Variants in ADCY9 observed in about 807,000 individuals in gnomAD.
ADCY9 encodes adenylate cyclase type 9.
Under a neutral mutation model 101.5 loss-of-function variants are expected in ADCY9, and 50 were observed. The ratio of observed to expected loss-of-function variants is 0.49; its 90% CI spans 0.39 to 0.62. The LOEUF is 0.62. Among genes scored for constraint, ADCY9 ranks in the 20% least tolerant of loss-of-function variants. The pLI, the probability that ADCY9 is intolerant of heterozygous loss-of-function variation, is 0.00. For synonymous variants in ADCY9, 905 were observed against 769.3 expected, an observed-to-expected ratio of 1.18 and a Z score of -2.92; for missense variants, 1,662 against 1,800.4, an observed-to-expected ratio of 0.92 and a Z score of 1.39.
chr16:4,108,126 T>C (rs1373416360), intron 2 of ADCY9, among the ~76,000 whole-genome samples: 1 of 152,222 alleles, frequency 6.6e-6, no homozygotes, highest in Non-Finnish European at 1.5e-5. Flanking sequence ...TCATTCTGTC[T>C]TCCTAATATT....
At chr16:4,074,713 T>C (rs1241625759) in intron 2 of ADCY9, among the ~76,000 whole-genome samples, 1 of 36,624 alleles carries the variant, frequency 2.7e-5, no homozygotes, top group Non-Finnish European at 5.9e-5. Flanking sequence ...CAATACCCAG[T>C]GGCAAAAAAA....
chr16:4,047,655 C>G (rs962836372), intron 2 of ADCY9, among the ~76,000 whole-genome samples: 3 of 152,006 alleles, frequency 2.0e-5, no homozygotes, highest in Non-Finnish European at 2.9e-5. Context: ...CAATCAGGTC[C>G]TTTGGTTGAA....
Position 3,962,921 on chromosome 16 carries a change from G to A in ADCY9, c.*2854C>T, listed in dbSNP as rs1039647123. On this transcript the variant is annotated 3_prime_UTR_variant, in exon 11 of 11. Transcript: ENST00000294016. Reference sequence around the variant, plus strand: ...ACAGCCCATGTGACAGGAAGCACGCGGCCTTCGGCTCTCCGGATCGTGTGC... The same window carrying A: ...ACAGCCCATGTGACAGGAAGCACGCAGCCTTCGGCTCTCCGGATCGTGTGC... The A allele has an allele frequency of 6.6e-6, 1 of 152,536 alleles. No homozygotes were observed. The highest frequency in any genetic ancestry group is 1.5e-5 in the Non-Finnish European group (1 of 68,122). The allele number at this position is 152,536 out of a possible 1,614,324, so 9.4% of individuals were successfully genotyped here.
chr16:3,999,555 G>C (rs531599982), intron 3 of ADCY9, among the ~76,000 whole-genome samples: 1 of 152,176 alleles, frequency 6.6e-6, no homozygotes, highest in East Asian at 1.9e-4. Context: ...AGCTATGCCT[G>C]TCCTCCTGGT....
intron 10 of ADCY9, among the ~76,000 whole-genome samples, chr16:3,970,445 G>A (rs1444535935): frequency 1.3e-5 from 2 of 152,086 alleles, no homozygotes; most frequent in African/African-American, 2.4e-5. Context: ...TCTTGCCTCA[G>A]CCTCCCGAGT....
At chr16:3,955,711 G>C (rs1253332370) in intron 5 of ADCY9, among the ~76,000 whole-genome samples, 1 of 151,946 alleles carries the variant, frequency 6.6e-6, no homozygotes, top group Non-Finnish European at 1.5e-5. Context: ...ACCACGCCCA[G>C]CTAATTTTTT....
intron 2 of ADCY9, among the ~76,000 whole-genome samples, chr16:4,088,041 G>A (rs1165329702): frequency 6.6e-6 from 1 of 151,322 alleles, no homozygotes; most frequent in Non-Finnish European, 1.5e-5. Flanking sequence ...CAGTAGCTGA[G>A]ACTACAGGTA....
intron 10 of ADCY9, among the ~76,000 whole-genome samples, chr16:3,967,966 C>T (rs1240503910): frequency 6.6e-6 from 1 of 152,104 alleles, no homozygotes; most frequent in East Asian, 1.9e-4. Context: ...GCTGGGATTA[C>T]AGGTGTGAGC....
intron 2 of ADCY9, among the ~76,000 whole-genome samples, chr16:4,060,307 T>G (rs950551102): frequency 6.6e-6 from 1 of 152,192 alleles, no homozygotes; most frequent in Non-Finnish European, 1.5e-5. Flanking sequence ...ACATTCTTCG[T>G]GCTCTGGAAG....
chr16:3,972,418 TG>T (rs2056060529), intron 10 of ADCY9, among the ~76,000 whole-genome samples: 1 of 151,874 alleles, frequency 6.6e-6, no homozygotes, highest in Non-Finnish European at 1.5e-5. Context: ...TTAGTAGAGA[TG>T]GGGTTTCACA....
At chr16:4,100,282 A>G (rs1372314063) in intron 2 of ADCY9, among the ~76,000 whole-genome samples, 1 of 152,048 alleles carries the variant, frequency 6.6e-6, no homozygotes, top group East Asian at 1.9e-4. Context: ...GAACTGTGCC[A>G]ATTAAACCTG....
intron 2 of ADCY9, among the ~76,000 whole-genome samples, chr16:4,077,080 A>AG (rs200021532): frequency 0.11 from 16,329 of 151,048 alleles, 1,356 homozygotes; most frequent in East Asian, 0.42. Context: ...TTCGTCTCAA[A>AG]AAAAAAAAAA....
rs2057132553 is a variant in ADCY9, at chr16:4,114,231, G to A, written c.1212C>T (p.Thr404=). The A allele has an allele frequency of 6.2e-7, 1 of 1,613,962 alleles. No individual in the cohort carries two copies. Among genetic ancestry groups the A allele is most frequent in the East Asian group, 2.2e-5 (1 of 44,882 alleles). Residue 404 remains threonine, a synonymous_variant, in exon 2 of 11, where the codon ACC becomes ACT. Coordinates refer to ENST00000294016, the MANE Select transcript of ADCY9 (RefSeq NM_001116.4). This position sits in a 1 kb window ranked among gnomAD's most constrained non-coding sequence, Gnocchi z 4.3. ...SILFADIVGF[T]KMSANKSAHA... is the part of the protein sequence containing the mutation. ...GGGCAGACTTGTTGGCACTCATCTT[G>A]GTGAAGCCCACGATATCTGCAAATA... is the stretch of plus-strand genomic sequence containing the variant.
At chr16:4,034,228 C>G (rs146665547) in intron 2 of ADCY9, among the ~76,000 whole-genome samples, 3 of 152,148 alleles carry the variant, frequency 2.0e-5, no homozygotes, top group African/African-American at 7.2e-5. Flanking sequence ...GCCAAGGTGA[C>G]GCAAAACGAA....
intron 2 of ADCY9, among the ~76,000 whole-genome samples, chr16:4,095,795 G>A (rs1314970956): frequency 1.3e-5 from 2 of 151,776 alleles, no homozygotes; most frequent in Non-Finnish European, 2.9e-5. Context: ...TGGGCAACAT[G>A]ATGAAACCCC....
intron 2 of ADCY9, among the ~76,000 whole-genome samples, chr16:4,094,596 AG>A (rs2056991609): frequency 6.6e-6 from 1 of 152,032 alleles, no homozygotes; most frequent in Non-Finnish European, 1.5e-5. Flanking sequence ...CGATCGCTCG[AG>A]GCCCCGCAAC....
chr16:4,063,402 G>A (rs2056783539), intron 2 of ADCY9, among the ~76,000 whole-genome samples: 1 of 151,974 alleles, frequency 6.6e-6, no homozygotes, highest in South Asian at 2.1e-4. Context: ...AAAAAGAAAA[G>A]TCTCAAGTTA....
chr16:4,115,581 A>G lies in ADCY9; in HGVS notation c.-43-96T>C. ...TCCTGTCCTAAGGGGCGGCTCCAGC[A>G]CGCGACCTGGACAGGCACCATCTGT... On this transcript the variant is annotated intron_variant, in intron 1 of 10. Coordinates refer to ENST00000294016, the MANE Select transcript of ADCY9 (RefSeq NM_001116.4). This position sits in a 1 kb window ranked among gnomAD's most constrained non-coding sequence, Gnocchi z 6.2. 1 of 1,060,720 alleles carries G rather than the reference A, an allele frequency of 9.4e-7. No homozygotes were observed. Among genetic ancestry groups the G allele is most frequent in the Non-Finnish European group, 1.3e-6 (1 of 758,928 alleles). The allele number at this position is 1,060,720 out of a possible 1,614,324, so 65.7% of individuals were successfully genotyped here.
intron 2 of ADCY9, among the ~76,000 whole-genome samples, chr16:4,106,340 C>G (rs1021155037): frequency 5.3e-5 from 8 of 152,138 alleles, no homozygotes; most frequent in African/African-American, 1.7e-4. Context: ...TACCCTTGGC[C>G]CACACCACGG....
Sources: gnomAD v4.1 joint callset for allele counts (sites outside exome capture counted in the v4.1 genomes callset) on GRCh38, gnomAD v4.1.1 for gene constraint, Gnocchi (gnomAD v3.1) non-coding constraint, MANE v1.5 for transcripts, NCBI Gene and HGNC (gene_info 2026-07-23, HGNC 2026-07-21) for gene names.